The following MAPKBP1 variants were observed in gnomAD, a reference collection of about 807,000 sequenced individuals.
The protein encoded by MAPKBP1 is mitogen-activated protein kinase-binding protein 1.
MAPKBP1 carries 71 observed loss-of-function variants against 170.5 expected under a neutral mutation model. The observed-to-expected ratio is 0.42, with a 90% CI of 0.34 to 0.51. The LOEUF is 0.51. Among genes scored for constraint, MAPKBP1 ranks in the 20% least tolerant of loss-of-function variants. The pLI is 0.06. For synonymous variants in MAPKBP1, 719 were observed against 757.9 expected, an observed-to-expected ratio of 0.95 and a Z score of 0.84; for missense variants, 1,598 against 1,933.0, an observed-to-expected ratio of 0.83 and a Z score of 3.25.
chr15:41,823,622 T>C lies in MAPKBP1; in HGVS notation c.3774T>C (p.Val1258=), dbSNP rs576052747. 6.2e-7 allele frequency: 1 copy of C among 1,614,106 alleles called. No homozygotes were observed. The highest frequency in any genetic ancestry group is 1.3e-5 in the African/African-American group (1 of 75,014). Residue 1258 remains valine, a synonymous_variant, in exon 29 of 31, where the codon GTT becomes GTC. Coordinates refer to ENST00000457542, the MANE Select transcript of MAPKBP1 (RefSeq NM_014994.3). ...SMAKISRSIS[V]GENLGLVAEP... ...CCAAGATATCCCGCAGTATCTCTGT[T>C]GGGGAGAACCTGGGCCTGGTGGCTG...
chr15:41,819,547 C>CGGGGGGGGGGGGGGAGGGGGGGGGGGG, intron 21 of MAPKBP1, 48 bp from the exon 22 acceptor site: 1 of 1,228,204 alleles, frequency 8.1e-7, no homozygotes, highest in Non-Finnish European at 1.1e-6. Context: ...GGTTGGGTGG[C>CGGGGGGGGGGGGGGAGGGGGGGGGGGG]GGGGGGGGGG....
At chr15:41,823,419 C>G (rs1483524465) in intron 28 of MAPKBP1, 28 bp from the exon 29 acceptor site, 1 of 1,589,232 alleles carries the variant, frequency 6.3e-7, no homozygotes, top group Admixed American at 1.7e-5. Context: ...CAACACCTGA[C>G]CTGTGTATAC....
At chr15:41,795,163 C>CAAAAAAA (rs57214059) in intron 2 of MAPKBP1, among the ~76,000 whole-genome samples, 1 of 113,200 alleles carries the variant, frequency 8.8e-6, no homozygotes, top group African/African-American at 3.4e-5. Flanking sequence ...AACCCTGTCT[C>CAAAAAAA]AAAAAAAAAA....
chr15:41,793,347 C>A (rs1487244828), intron 2 of MAPKBP1, among the ~76,000 whole-genome samples: 1 of 151,996 alleles, frequency 6.6e-6, no homozygotes, highest in African/African-American at 2.4e-5. Flanking sequence ...ATTAGCCGGA[C>A]GTGGTGGCAT....
chr15:41,809,455 A>T (rs1567146622), intron 3 of MAPKBP1, among the ~76,000 whole-genome samples: 1 of 152,188 alleles, frequency 6.6e-6, no homozygotes, highest in Non-Finnish European at 1.5e-5. Context: ...CTCACTAGCA[A>T]CTTGCACCTA....
intron 30 of MAPKBP1, chr15:41,824,969 G>C: frequency 2.0e-6 from 1 of 493,252 alleles, no homozygotes; most frequent in Non-Finnish European, 3.6e-6. Flanking sequence ...AGATTCTGCC[G>C]GAGTTGTCAT....
At chr15:41,790,000 G>A (rs577448220) in intron 2 of MAPKBP1, among the ~76,000 whole-genome samples, 3 of 152,162 alleles carry the variant, frequency 2.0e-5, no homozygotes, top group Non-Finnish European at 4.4e-5. Flanking sequence ...CTAAATCCTG[G>A]TTCTTCCACT....
intron 3 of MAPKBP1, among the ~76,000 whole-genome samples, chr15:41,802,767 C>A (rs977066205): frequency 1.3e-5 from 2 of 152,220 alleles, no homozygotes; most frequent in African/African-American, 4.8e-5. Flanking sequence ...AGCTACTGTG[C>A]CTGACCCAAA....
chr15:41,801,980 A>C (rs1317212269), intron 3 of MAPKBP1, among the ~76,000 whole-genome samples: 1 of 152,210 alleles, frequency 6.6e-6, no homozygotes, highest in Non-Finnish European at 1.5e-5. Flanking sequence ...AACATTACAG[A>C]GTATACTTAC....
intron 2 of MAPKBP1, among the ~76,000 whole-genome samples, chr15:41,795,917 A>G (rs2064480642): frequency 6.6e-6 from 1 of 152,124 alleles, no homozygotes; most frequent in Non-Finnish European, 1.5e-5. Flanking sequence ...CCTCTCATTT[A>G]TATTTTAAAA....
chr15:41,799,385 T>C (rs1223027225), intron 2 of MAPKBP1, among the ~76,000 whole-genome samples: 1 of 152,182 alleles, frequency 6.6e-6, no homozygotes, highest in Non-Finnish European at 1.5e-5. Flanking sequence ...AACATTCTTT[T>C]GGCTCTTGGT....
At position 41,823,121 on chromosome 15, in the gene MAPKBP1, G is replaced by C. The variant is rs562905940; in HGVS notation, c.3497G>C (p.Arg1166Pro). 1 of 1,613,680 alleles carries C rather than the reference G, an allele frequency of 6.2e-7. No individual in the cohort carries two copies. Among genetic ancestry groups the C allele is most frequent in the Admixed American group, 1.7e-5 (1 of 60,024 alleles). The change falls in exon 28 of 31, where the codon CGT becomes CCT. Residue 1166 changes from arginine to proline, a missense_variant. This residue lies in a region of MAPKBP1 where 942 missense variants were observed against 953.2 expected (regional missense o/e 0.99). Transcript: ENST00000457542. ...GCCTCTGTGCTGTTGCCACGATGCC[G>C]TCTCAACCCTGACAGCAGCTGGGCT... ...QAASVLLPRCRLNPDSSWAPK... is the reference protein window; with the variant it reads ...QAASVLLPRCPLNPDSSWAPK...
Position 41,811,978 on chromosome 15 carries a change from C to T in MAPKBP1, c.349C>T (p.Arg117Trp), listed in dbSNP as rs1005384739. The change falls in exon 6 of 31, where the codon CGG becomes TGG. Residue 117 changes from arginine to tryptophan, a missense_variant. Physicochemically the swap from Arg to Trp is moderately radical, Grantham distance 101. Transcript: ENST00000457542. Reference sequence around the variant, plus strand: ...GCAGAGTGGGCACATGCCTGCCGTGCGGGTTTGGGACGTGGCAGAGCACAG... The same window carrying T: ...GCAGAGTGGGCACATGCCTGCCGTGTGGGTTTGGGACGTGGCAGAGCACAG... The part of the protein sequence containing the change: ...TGESGHMPAV[R>W]VWDVAEHSQV... 7 of 1,614,040 alleles carry T rather than the reference C, an allele frequency of 4.3e-6. No homozygotes were observed. The highest frequency in any genetic ancestry group is 1.7e-5 in the Admixed American group (1 of 60,004).
intron 3 of MAPKBP1, among the ~76,000 whole-genome samples, chr15:41,803,739 A>T (rs2064642486): frequency 6.6e-6 from 1 of 152,030 alleles, no homozygotes; most frequent in Non-Finnish European, 1.5e-5. Flanking sequence ...AGGGTTAAGG[A>T]GTTTGCTTGA....
intron 3 of MAPKBP1, among the ~76,000 whole-genome samples, chr15:41,803,904 G>A (rs1369226794): frequency 1.3e-5 from 2 of 151,862 alleles, no homozygotes; most frequent in African/African-American, 4.8e-5. Flanking sequence ...GCAATGGCAC[G>A]ATCTCAGCTC....
At chr15:41,786,777 A>AAATATATATATAT in intron 2 of MAPKBP1, among the ~76,000 whole-genome samples, 9 of 32,440 alleles carry the variant, frequency 2.8e-4, no homozygotes, top group East Asian at 7.8e-4. Context: ...AAAAAAAAAA[A>AAATATATATATAT]ATATATATAT....
intron 2 of MAPKBP1, among the ~76,000 whole-genome samples, chr15:41,781,789 A>G (rs2064193863): frequency 6.6e-6 from 1 of 152,066 alleles, no homozygotes; most frequent in Admixed American, 6.5e-5. Flanking sequence ...TCCTGAGAAG[A>G]AAGTTTATTT....
At chr15:41,775,744 G>A (rs1234712287) in intron 2 of MAPKBP1, among the ~76,000 whole-genome samples, 2 of 152,254 alleles carry the variant, frequency 1.3e-5, no homozygotes, top group Non-Finnish European at 2.9e-5. Context: ...GGGCTAAGCT[G>A]TGACTAATGT....
At chr15:41,798,690 A>C (rs935178003) in intron 2 of MAPKBP1, among the ~76,000 whole-genome samples, 5 of 152,178 alleles carry the variant, frequency 3.3e-5, no homozygotes, top group African/African-American at 1.2e-4. Context: ...ACTGGCCTGG[A>C]CTAAGAATAG....
Sources: allele counts gnomAD v4.1 joint callset (sites outside exome capture counted in the v4.1 genomes callset), GRCh38; gene constraint gnomAD v4.1.1; regional missense constraint gnomAD v4.1.1; transcripts MANE v1.5; gene names NCBI Gene and HGNC (gene_info 2026-07-23, HGNC 2026-07-21).